DCLK2: variants seen among roughly 807,000 people sequenced by gnomAD.
The protein encoded by DCLK2 is doublecortin like kinase 2.
DCLK2 carries 31 observed loss-of-function variants against 78.4 expected under a neutral mutation model. The ratio of observed to expected loss-of-function variants is 0.40; its 90% CI spans 0.30 to 0.53. The LOEUF (loss-of-function observed/expected upper bound fraction) is 0.53. Among genes scored for constraint, DCLK2 ranks in the 20% least tolerant of loss-of-function variants. The pLI is 0.61. For missense variants in DCLK2, 872 were observed against 973.7 expected, an observed-to-expected ratio of 0.90 and a Z score of 1.39; for synonymous variants, 407 against 374.9, an observed-to-expected ratio of 1.09 and a Z score of -0.99.
At position 150,175,009 on chromosome 4, in the gene DCLK2, AAAAT is replaced by A. The variant is rs1280449965; in HGVS notation, c.757-18127_757-18124del. On this transcript the variant is annotated intron_variant, in intron 2 of 15. Transcript: ENST00000296550. The stretch of plus-strand genomic sequence containing the variant: ...TGAGACTCCGTCGCAAAAAAAAAAA[AAAAT>A]ATATATATATATATATATATTTATA... Among the ~76,000 whole-genome samples, 10 of 14,768 alleles carry A rather than the reference AAAAT, an allele frequency of 6.8e-4. 1 individual carries two copies. Among genetic ancestry groups the A allele is most frequent in the African/African-American group, 1.6e-3 (9 of 5,482 alleles). 9.7% of individuals were successfully genotyped at this position (14,768 alleles called of 152,430 possible).
chr4:150,240,190 G>A (rs6812795), intron 11 of DCLK2, among the ~76,000 whole-genome samples: 143,206 of 152,248 alleles, frequency 0.94, 67,549 homozygotes, highest in Non-Finnish European at 0.98. Flanking sequence ...ACTCTTGAGA[G>A]TATGGCAGTA....
intron 2 of DCLK2, among the ~76,000 whole-genome samples, chr4:150,173,794 T>C (rs1307128497): frequency 6.6e-6 from 1 of 151,938 alleles, no homozygotes; most frequent in Non-Finnish European, 1.5e-5. Context: ...CTGGATGAGG[T>C]TGGGAGAGAA....
chr4:150,180,053 A>G (rs947106761), intron 2 of DCLK2, among the ~76,000 whole-genome samples: 5 of 152,258 alleles, frequency 3.3e-5, no homozygotes, highest in Admixed American at 2.6e-4. Flanking sequence ...TTAGACAAGT[A>G]TAAAAAATTA....
In DCLK2 at chr4:150,123,177, G is replaced by A. The variant is rs369331409; in HGVS notation, c.756+20365G>A. On this transcript the variant is annotated intron_variant, in intron 2 of 15. Transcript: ENST00000296550. The stretch of plus-strand genomic sequence containing the variant: ...ATAACTCAACTGTTTGGGGGAAGAA[G>A]CCTAGCTTTTGGCCTGTCTTGGTTT... Among the ~76,000 whole-genome samples the A allele has an allele frequency of 2.0e-5, 3 of 152,198 alleles. No homozygotes were observed. In the East Asian group the frequency reaches 5.8e-4, roughly 29 times the overall value.
chr4:150,107,468 C>T (rs1731349368), intron 2 of DCLK2, among the ~76,000 whole-genome samples: 1 of 150,608 alleles, frequency 6.6e-6, no homozygotes, highest in Admixed American at 6.6e-5. Context: ...CTTTGACCTC[C>T]TGGGCTCAAG....
At chr4:150,144,231 T>C (rs1317705397) in intron 2 of DCLK2, among the ~76,000 whole-genome samples, 1 of 152,232 alleles carries the variant, frequency 6.6e-6, no homozygotes, top group Non-Finnish European at 1.5e-5. Context: ...CATTTAAGTC[T>C]TTAATCCATC....
At chr4:150,116,948 G>A (rs1249548762) in intron 2 of DCLK2, among the ~76,000 whole-genome samples, 1 of 152,148 alleles carries the variant, frequency 6.6e-6, no homozygotes, top group African/African-American at 2.4e-5. Context: ...ATTTGTGTTT[G>A]CCATATGTTA....
intron 2 of DCLK2, among the ~76,000 whole-genome samples, chr4:150,185,137 G>A (rs1021631735): frequency 2.6e-5 from 4 of 152,164 alleles, no homozygotes; most frequent in African/African-American, 7.2e-5. Context: ...CATGGCTGGG[G>A]AGGCCTCAGG....
intron 1 of DCLK2, among the ~76,000 whole-genome samples, chr4:150,100,990 G>A (rs9968348): frequency 0.14 from 21,883 of 152,166 alleles, 1,972 homozygotes; most frequent in Non-Finnish European, 0.21. Context: ...GGTGGCTCAT[G>A]CCTTATAATC....
At position 150,092,539 on chromosome 4, in the gene DCLK2, A is replaced by G. The variant is rs571436208; in HGVS notation, c.422-9939A>G. 9.2e-5 allele frequency among the ~76,000 whole-genome samples: 14 copies of G among 152,242 alleles called. No homozygotes were observed. The South Asian group carries it at 2.7e-3, about 29-fold the overall frequency. ...TATTGTGGTTTTGATGTGCATTTCCATGATAATTATTGATGTTGAGCATCT... is the reference window on the plus strand; with the variant it reads ...TATTGTGGTTTTGATGTGCATTTCCGTGATAATTATTGATGTTGAGCATCT... On this transcript the variant is annotated intron_variant, in intron 1 of 15. Coordinates refer to ENST00000296550, the MANE Select transcript of DCLK2 (RefSeq NM_001040260.4).
At chr4:150,248,220 T>G (rs1743480064) in intron 13 of DCLK2, 85 bp from the exon 14 acceptor site, 1 of 1,213,378 alleles carries the variant, frequency 8.2e-7, no homozygotes, top group African/African-American at 1.5e-5. Context: ...TCTGAAGTGC[T>G]TGCCACAAAC....
At chr4:150,178,607 G>T (rs1371481031) in intron 2 of DCLK2, among the ~76,000 whole-genome samples, 1 of 152,110 alleles carries the variant, frequency 6.6e-6, no homozygotes, top group Non-Finnish European at 1.5e-5. Flanking sequence ...TCCTTGTCAT[G>T]TGAAAACAGA....
At chr4:150,157,200 A>G (rs1439670315) in intron 2 of DCLK2, among the ~76,000 whole-genome samples, 1 of 146,886 alleles carries the variant, frequency 6.8e-6, no homozygotes, top group Non-Finnish European at 1.5e-5. Flanking sequence ...TCCTTTAAGG[A>G]GGAAAATTAA....
intron 1 of DCLK2, among the ~76,000 whole-genome samples, chr4:150,088,475 A>G (rs1729805794): frequency 6.6e-6 from 1 of 150,762 alleles, no homozygotes; most frequent in African/African-American, 2.4e-5. Context: ...TTCTTTTTAA[A>G]TTCTTTTTAC....
In DCLK2 at chr4:150,175,011, A is replaced by ATATATAT. The variant is rs1553964170; in HGVS notation, c.757-18127_757-18126insTATATAT. Among the ~76,000 whole-genome samples the ATATATAT allele has an allele frequency of 3.5e-3, 35 of 9,974 alleles. 9 individuals are homozygous for ATATATAT. Among genetic ancestry groups the ATATATAT allele is most frequent in the African/African-American group, 7.9e-3 (30 of 3,792 alleles). The allele number at this position is 9,974 out of a possible 152,430, so 6.5% of individuals were successfully genotyped here. The stretch of plus-strand genomic sequence containing the variant: ...AGACTCCGTCGCAAAAAAAAAAAAA[A>ATATATAT]ATATATATATATATATATATATTTA... On this transcript the variant is annotated intron_variant, in intron 2 of 15. Coordinates refer to ENST00000296550, the MANE Select transcript of DCLK2 (RefSeq NM_001040260.4).
chr4:150,142,413 T>G (rs983823969), intron 2 of DCLK2, among the ~76,000 whole-genome samples: 1 of 152,220 alleles, frequency 6.6e-6, no homozygotes, highest in African/African-American at 2.4e-5. Context: ...ACCCTTCCAA[T>G]TGAGTAGAAT....
chr4:150,108,918 A>G (rs9985766), intron 2 of DCLK2, among the ~76,000 whole-genome samples: 21,997 of 152,164 alleles, frequency 0.14, 1,985 homozygotes, highest in Non-Finnish European at 0.21. Context: ...ACACTTCCAG[A>G]CTTTGGGACC....
chr4:150,143,900 T>A (rs1734273102), intron 2 of DCLK2, among the ~76,000 whole-genome samples: 1 of 152,144 alleles, frequency 6.6e-6, no homozygotes, highest in South Asian at 2.1e-4. Flanking sequence ...TAGGATTGTT[T>A]TTTTTTTCTG....
chr4:150,232,400 C>T lies in DCLK2; in HGVS notation c.1363C>T (p.Leu455=). 6.2e-7 allele frequency: 1 copy of T among 1,614,066 alleles called. No homozygotes were observed. ...AGTGAAACATCCCAATATCATTATGCTGGTCGAGGAGATGGAAACAGCAAC... is the reference window on the plus strand; with the variant it reads ...AGTGAAACATCCCAATATCATTATGTTGGTCGAGGAGATGGAAACAGCAAC... ...RRVKHPNIIM[L]VEEMETATEL... The change falls in exon 9 of 16, where the codon CTG becomes TTG. Residue 455 remains leucine, a synonymous_variant. Coordinates refer to ENST00000296550, the MANE Select transcript of DCLK2 (RefSeq NM_001040260.4).
Sources: gnomAD v4.1 joint callset for allele counts (sites outside exome capture counted in the v4.1 genomes callset) on GRCh38, gnomAD v4.1.1 for gene constraint, MANE v1.5 for transcripts, NCBI Gene and HGNC (gene_info 2026-07-23, HGNC 2026-07-21) for gene names.